ANTXR2: variants seen among roughly 807,000 people sequenced by gnomAD.
The protein encoded by ANTXR2 is anthrax toxin receptor 2.
Under a neutral mutation model 73.7 loss-of-function variants are expected in ANTXR2, and 44 were observed. That is an observed-to-expected ratio of 0.60 (90% CI 0.47 to 0.77). The LOEUF is 0.77. ANTXR2 is among the 30% of genes least tolerant of loss of function. The pLI is 0.00. For synonymous variants in ANTXR2, 217 were observed against 205.9 expected (o/e 1.05, Z -0.46); for missense variants, 604 against 592.5 (o/e 1.02, Z -0.20).
chr4:80,047,800 T>C (rs570445290), intron 7 of ANTXR2, among the ~76,000 whole-genome samples: 1 of 151,850 alleles, frequency 6.6e-6, no homozygotes, highest in African/African-American at 2.4e-5. Flanking sequence ...GAGAAGACCC[T>C]GACAACATGA....
chr4:79,984,837 G>A lies in ANTXR2; in HGVS notation c.1068C>T (p.Pro356=), dbSNP rs72653288. Residue 356 remains proline (P), a synonymous_variant, in exon 13 of 17, where the codon CCC becomes CCT. Transcript: ENST00000403729. ...KVVIKDPPPP[P]APAPKEEEEE... ...CACTTACCTCTTTTGGTGCAGGGGC[G>A]GGTGGTGGTGGAGGATCCTTAATAA... is the stretch of plus-strand genomic sequence containing the variant. The A allele has an allele frequency of 2.1e-5, 33 of 1,605,598 alleles. No individual in the cohort carries two copies. Among genetic ancestry groups the A allele is most frequent in the African/African-American group, 1.6e-4 (12 of 74,634 alleles).
At chr4:79,979,403 A>G (rs1729788178) in intron 14 of ANTXR2, among the ~76,000 whole-genome samples, 1 of 152,112 alleles carries the variant, frequency 6.6e-6, no homozygotes, top group African/African-American at 2.4e-5. Flanking sequence ...ATTTCTAAAA[A>G]GAAAAAAAAA....
intron 14 of ANTXR2, among the ~76,000 whole-genome samples, 189 bp downstream of exon 14, chr4:79,983,689 C>A (rs1257197609): frequency 6.6e-6 from 1 of 151,962 alleles, no homozygotes; most frequent in Admixed American, 6.6e-5. Flanking sequence ...GAAACCAGTT[C>A]TTCTAGGCCA....
At chr4:79,983,503 T>G (rs972924530) in intron 14 of ANTXR2, among the ~76,000 whole-genome samples, 1 of 152,182 alleles carries the variant, frequency 6.6e-6, no homozygotes, top group Admixed American at 6.5e-5. Flanking sequence ...CATTTTCTTC[T>G]CAAATAGTAG....
At chr4:80,062,354 C>T (rs1217286256) in intron 3 of ANTXR2, among the ~76,000 whole-genome samples, 1 of 152,220 alleles carries the variant, frequency 6.6e-6, no homozygotes, top group African/African-American at 2.4e-5. Context: ...TTTTCCCACT[C>T]ACTGCCTTAC....
At chr4:80,069,196 C>T (rs1432381910) in intron 3 of ANTXR2, among the ~76,000 whole-genome samples, 1 of 142,114 alleles carries the variant, frequency 7.0e-6, no homozygotes, top group African/African-American at 3.0e-5. Context: ...GGTGAATATA[C>T]AACTAAGACA....
chr4:80,048,755 T>C (rs1028023065), intron 7 of ANTXR2, among the ~76,000 whole-genome samples: 2 of 151,690 alleles, frequency 1.3e-5, no homozygotes, highest in Non-Finnish European at 3.0e-5. Flanking sequence ...TAAAATATAG[T>C]GTTAGACACT....
At chr4:80,007,364 G>A (rs1296177209) in intron 12 of ANTXR2, among the ~76,000 whole-genome samples, 1 of 152,012 alleles carries the variant, frequency 6.6e-6, no homozygotes, top group Non-Finnish European at 1.5e-5. Flanking sequence ...ATAAATAGTA[G>A]GCATGATTTG....
intron 9 of ANTXR2, among the ~76,000 whole-genome samples, 178 bp from the exon 10 acceptor site, chr4:80,031,870 C>T (rs1471909259): frequency 6.6e-6 from 1 of 151,446 alleles, no homozygotes; most frequent in African/African-American, 2.4e-5. Context: ...AGATTATATG[C>T]TCCATTGACA....
chr4:79,945,383 T>A (rs1052511405), intron 16 of ANTXR2, among the ~76,000 whole-genome samples: 3 of 152,120 alleles, frequency 2.0e-5, no homozygotes, highest in Non-Finnish European at 4.4e-5. Flanking sequence ...TCTTACATCA[T>A]TTTATTAGAA....
chr4:80,043,063 A>T (rs1186517806), intron 7 of ANTXR2, among the ~76,000 whole-genome samples: 1 of 152,020 alleles, frequency 6.6e-6, no homozygotes, highest in East Asian at 1.9e-4. Context: ...GTTCACAAGC[A>T]TGGGGGAGAG....
At chr4:80,057,053 A>G (rs1368739158) in intron 3 of ANTXR2, among the ~76,000 whole-genome samples, 1 of 151,982 alleles carries the variant, frequency 6.6e-6, no homozygotes, top group African/African-American at 2.4e-5. Context: ...GCCTTTTTAA[A>G]CTGGTGAGAA....
rs886059658 is a variant in ANTXR2, at chr4:80,069,499, A to G, written c.233T>C (p.Met78Thr). Residue 78 changes from methionine to threonine, a missense_variant, in exon 3 of 17, where the codon ATG becomes ACG. Coordinates refer to ENST00000403729, the MANE Select transcript of ANTXR2 (RefSeq NM_058172.6). ...QLAERFVSPE[M>T]RLSFIVFSSQ... The stretch of plus-strand genomic sequence containing the variant: ...AGAAAACACAATGAAAGATAATCTC[A>G]TTTCAGGGCTGCAAAATAAGAAAAG... 1.2e-5 allele frequency: 19 copies of G among 1,598,892 alleles called. No individual in the cohort carries two copies. The highest frequency in any genetic ancestry group is 1.6e-5 in the Non-Finnish European group (19 of 1,170,642).
At chr4:79,978,959 G>T (rs1247508470) in intron 14 of ANTXR2, among the ~76,000 whole-genome samples, 2 of 152,054 alleles carry the variant, frequency 1.3e-5, no homozygotes, top group Non-Finnish European at 2.9e-5. Flanking sequence ...TAGTTCCCAA[G>T]CTCATCTGAG....
At position 80,065,292 on chromosome 4, in the gene ANTXR2, G is replaced by A. The variant is rs369304535; in HGVS notation, c.296+4144C>T. Reference sequence around the variant, plus strand: ...AAATTCTCTACTGTTGAAAGGCTGGGTATTTCCATACTGAATCAACACTTG... The same window carrying A: ...AAATTCTCTACTGTTGAAAGGCTGGATATTTCCATACTGAATCAACACTTG... On this transcript the variant is annotated intron_variant, in intron 3 of 16. Coordinates refer to ENST00000403729, the MANE Select transcript of ANTXR2 (RefSeq NM_058172.6). Among the ~76,000 whole-genome samples, 7 of 152,178 alleles carry A rather than the reference G, an allele frequency of 4.6e-5. No individual in the cohort carries two copies. The South Asian group carries it at 6.2e-4, about 14-fold the overall frequency.
rs567065908 is a variant in ANTXR2 at position 80,020,705 on chromosome 4, T to C, written c.867-1729A>G. ...AATGATGAAATCAAAGTCCTTAATG[T>C]GTTTTTTTTCTCAATGTGCTATTTG... On this transcript the variant is annotated intron_variant, in intron 10 of 16. Coordinates refer to ENST00000403729, the MANE Select transcript of ANTXR2 (RefSeq NM_058172.6). 5.5e-4 allele frequency among the ~76,000 whole-genome samples: 84 copies of C among 152,332 alleles called. 1 individual carries two copies. Among genetic ancestry groups the C allele is most frequent in the Non-Finnish European group, 1.5e-4 (10 of 68,026 alleles).
intron 8 of ANTXR2, among the ~76,000 whole-genome samples, chr4:80,034,131 C>G (rs1345645393): frequency 1.3e-5 from 2 of 152,110 alleles, no homozygotes; most frequent in African/African-American, 4.8e-5. Context: ...ATCAAAAGAT[C>G]ACGTATTTTG....
intron 14 of ANTXR2, 85 bp downstream of exon 14, chr4:79,983,793 T>C (rs1038645953): frequency 7.9e-6 from 8 of 1,012,288 alleles, no homozygotes; most frequent in Non-Finnish European, 1.2e-5. Context: ...TAATATTGAA[T>C]TGTGAAAAGT....
At chr4:80,039,335 C>A (rs919694342) in intron 7 of ANTXR2, among the ~76,000 whole-genome samples, 4 of 152,028 alleles carry the variant, frequency 2.6e-5, no homozygotes, top group African/African-American at 9.7e-5. Context: ...AAGAAAGCAA[C>A]AACTAGAAAT....
Sources: allele counts gnomAD v4.1 joint callset (sites outside exome capture counted in the v4.1 genomes callset), GRCh38; gene constraint gnomAD v4.1.1; transcripts MANE v1.5; gene names NCBI Gene and HGNC (gene_info 2026-07-23, HGNC 2026-07-21).